RBM12: variants seen among roughly 807,000 people sequenced by gnomAD.
The protein encoded by RBM12 is RNA-binding protein 12.
In RBM12, 24 loss-of-function variants were observed where a neutral mutation model predicts 37.2. The ratio of observed to expected loss-of-function variants is 0.65; its 90% confidence interval spans 0.47 to 0.91. RBM12 has a LOEUF of 0.91. Ranked by LOEUF, RBM12 falls within the 40% of genes least tolerant of loss-of-function variation. The probability of loss-of-function intolerance (pLI) is 0.00; values close to 1 mark genes in which losing one functional copy is unlikely to be tolerated. For missense variants in RBM12, 1,061 were observed against 1,183.2 expected, an observed-to-expected ratio of 0.90 and a Z score of 1.52; for synonymous variants, 420 against 425.2, an observed-to-expected ratio of 0.99 and a Z score of 0.15.
intron 1 of RBM12, among the ~76,000 whole-genome samples, chr20:35,660,507 C>T (rs1022927379): frequency 7.2e-5 from 11 of 152,186 alleles, no homozygotes; most frequent in Non-Finnish European, 1.6e-4. Context: ...GTGTGAGCCA[C>T]CACGCCTGGC....
chr20:35,661,936 AAC>A (rs2034251302), intron 1 of RBM12, among the ~76,000 whole-genome samples: 1 of 152,224 alleles, frequency 6.6e-6, no homozygotes, highest in Non-Finnish European at 1.5e-5. Flanking sequence ...AGAGATTAGC[AAC>A]AGAGAACCAA....
In RBM12 at chr20:35,652,465, T is replaced by A. The variant is rs2146342649; in HGVS notation, c.*59A>T. The A allele has an allele frequency of 2.0e-6, 3 of 1,522,250 alleles. No homozygotes were observed. The East Asian group carries it at 6.8e-5, about 34-fold the overall frequency. 94.3% of individuals were successfully genotyped at this position (1,522,250 alleles called of 1,614,324 possible). On this transcript the variant is annotated 3_prime_UTR_variant, in exon 3 of 3. Transcript: ENST00000374114. ...TAACCTGGAAATACTAGGAAAACAA[T>A]CTGGATGCATTAATCACAGCAATAT...
intron 1 of RBM12, among the ~76,000 whole-genome samples, chr20:35,659,469 T>C (rs903989683): frequency 5.3e-5 from 8 of 152,226 alleles, no homozygotes; most frequent in Non-Finnish European, 1.2e-4. Context: ...AGGGTACTCA[T>C]GGAAATTACT....
Position 35,653,664 on chromosome 20 carries a change from G to A in RBM12, c.1659C>T (p.Phe553=), listed in dbSNP as rs2033700063. 6.2e-7 allele frequency: 1 copy of A among 1,614,196 alleles called. No homozygotes were observed. The highest frequency in any genetic ancestry group is 8.5e-7 in the Non-Finnish European group (1 of 1,180,046). Residue 553 remains phenylalanine (F), a synonymous_variant, in exon 3 of 3, where the codon TTC becomes TTT. Transcript: ENST00000374114. The part of the protein sequence containing the change: ...KVCAHITNIP[F]SITKMDVLQF... ...GAAGAACATCCATCTTTGTAATGCT[G>A]AATGGAATATTTGTTATGTGGGCAC...
chr20:35,653,156 A>T lies in RBM12; in HGVS notation c.2167T>A (p.Phe723Ile). ...TTTGATCCACCAAAATTACCAGGAA[A>T]GTTAAATGGAGGCCCATTATTGGCT... ...KEANNGPPFNFPGNFGGSNAF... is the reference protein window; with the variant it reads ...KEANNGPPFNIPGNFGGSNAF... The change falls in exon 3 of 3, where the codon TTT becomes ATT. Residue 723 changes from phenylalanine (F) to isoleucine (I), a missense_variant. This residue lies in a region of RBM12 where 517 missense variants were observed against 534.0 expected (regional missense o/e 0.97). Coordinates refer to ENST00000374114, the MANE Select transcript of RBM12 (RefSeq NM_006047.6). The T allele has an allele frequency of 6.2e-7, 1 of 1,613,574 alleles. No homozygotes were observed.
At position 35,654,210 on chromosome 20, in the gene RBM12, A is replaced by G. The variant is rs751841929; in HGVS notation, c.1113T>C (p.Tyr371=). The G allele has an allele frequency of 1.9e-6, 3 of 1,614,276 alleles. No homozygotes were observed. The highest frequency in any genetic ancestry group is 2.2e-5 in the South Asian group (2 of 91,090). The change falls in exon 3 of 3, where the codon TAT becomes TAC. Residue 371 remains tyrosine (Y), a synonymous_variant. Transcript: ENST00000374114. ...KRNRMLMIQR[Y]VEVSPATERQ... ...TTTCTGTGGCAGGGCTAACTTCCAC[A>G]TAGCGTTGAATCATCAGCATTCTGT...
In RBM12 at chr20:35,652,230, T is replaced by C. The variant is rs778030826; in HGVS notation, c.*294A>G. On this transcript the variant is annotated 3_prime_UTR_variant, in exon 3 of 3. Coordinates refer to ENST00000374114, the MANE Select transcript of RBM12 (RefSeq NM_006047.6). ...CATATGGTATAAAACAAAACCAATCTAGACTCCTTGATAAGCTTTATGTGG... is the reference window on the plus strand; with the variant it reads ...CATATGGTATAAAACAAAACCAATCCAGACTCCTTGATAAGCTTTATGTGG... 1.2e-5 allele frequency: 3 copies of C among 258,660 alleles called. No individual in the cohort carries two copies. Among genetic ancestry groups the C allele is most frequent in the South Asian group, 1.6e-4 (2 of 12,600 alleles). The allele number at this position is 258,660 out of a possible 1,614,324, so 16.0% of individuals were successfully genotyped here.
At chr20:35,658,802 AACACACACACACACACACACACACAC>A (rs10542710) in intron 2 of RBM12, 102 bp downstream of exon 2, 5 of 473,468 alleles carry the variant, frequency 1.1e-5, no homozygotes, top group African/African-American at 4.3e-5. Context: ...AGCAAACAAA[AACACACACACACACACACACACACAC>A]ACACACACAC....
chr20:35,658,898 T>G (rs1479055078), intron 2 of RBM12, 32 bp downstream of exon 2: 2 of 710,192 alleles, frequency 2.8e-6, no homozygotes, highest in Non-Finnish European at 2.6e-6. Context: ...TTATTTTGTA[T>G]AAAAACGAAC....
chr20:35,664,074 AC>A (rs1469279134), intron 1 of RBM12, among the ~76,000 whole-genome samples: 1 of 146,096 alleles, frequency 6.8e-6, no homozygotes, highest in East Asian at 2.0e-4. Context: ...TACTCACCCC[AC>A]CCCCTCACCT....
At chr20:35,656,684 G>A (rs561353353) in intron 2 of RBM12, among the ~76,000 whole-genome samples, 5 of 152,228 alleles carry the variant, frequency 3.3e-5, no homozygotes, top group South Asian at 2.1e-4. Flanking sequence ...ACAGGCATGC[G>A]CCACCATGCC....
intron 1 of RBM12, 114 bp from the exon 2 acceptor site, chr20:35,659,128 G>T (rs1601491734): frequency 5.7e-4 from 166 of 292,702 alleles, no homozygotes; most frequent in East Asian, 7.3e-4. Flanking sequence ...TACTTCATTA[G>T]AATGCATATC....
intron 1 of RBM12, among the ~76,000 whole-genome samples, chr20:35,664,196 G>A (rs976927438): frequency 3.3e-5 from 5 of 152,114 alleles, no homozygotes; most frequent in South Asian, 2.1e-4. Flanking sequence ...TTCAGGCCAC[G>A]AAGGCGGCCG....
chr20:35,658,821 A>G, intron 2 of RBM12, 109 bp downstream of exon 2: 1 of 635,976 alleles, frequency 1.6e-6, no homozygotes, highest in Non-Finnish European at 2.9e-6. Context: ...ACACACACAC[A>G]CACACACACA....
Position 35,655,285 on chromosome 20 carries a change from A to G in RBM12, c.38T>C (p.Val13Ala). ...VVIRLQGLPI[V>A]AGTMDIRHFF... ...GTGGCGAATGTCCATGGTCCCCGCC[A>G]CAATTGGGAGACCTTGCAAACGGAT... is the stretch of plus-strand genomic sequence containing the variant. The change falls in exon 3 of 3, where the codon GTG becomes GCG. Residue 13 changes from valine (V) to alanine (A), a missense_variant. Val to Ala is a moderately conservative substitution (Grantham distance 64). Transcript: ENST00000374114. 6.2e-7 allele frequency: 1 copy of G among 1,612,350 alleles called. No homozygotes were observed. The highest frequency in any genetic ancestry group is 8.5e-7 in the Non-Finnish European group (1 of 1,179,978).
rs771722891 is a variant in RBM12 at position 35,654,340 on chromosome 20, C to A, written c.983G>T (p.Arg328Leu). Residue 328 changes from arginine (R) to leucine (L), a missense_variant, in exon 3 of 3, where the codon CGT becomes CTT. Physicochemically the swap from Arg to Leu is moderately radical, Grantham distance 102 (BLOSUM62 -2). This residue lies in a region of RBM12 where 540 missense variants were observed against 632.7 expected (regional missense o/e 0.85). Coordinates refer to ENST00000374114, the MANE Select transcript of RBM12 (RefSeq NM_006047.6). ...TTTCAACAAATGCACTGCATCAACACGGAGCCCATGAAAAAAATCTCTGAC... is the reference window on the plus strand; with the variant it reads ...TTTCAACAAATGCACTGCATCAACAAGGAGCCCATGAAAAAAATCTCTGAC... ...NDVRDFFHGL[R>L]VDAVHLLKDH... 1 of 1,614,050 alleles carries A rather than the reference C, an allele frequency of 6.2e-7. No homozygotes were observed.
chr20:35,652,994 T>C lies in RBM12; in HGVS notation c.2329A>G (p.Asn777Asp). The C allele has an allele frequency of 6.2e-7, 1 of 1,613,808 alleles. No homozygotes were observed. The highest frequency in any genetic ancestry group is 1.7e-5 in the Admixed American group (1 of 60,020). The change falls in exon 3 of 3, where the codon AAC becomes GAC. Residue 777 changes from asparagine to aspartate, a missense_variant. Asn to Asp is a conservative substitution (Grantham distance 23). Coordinates refer to ENST00000374114, the MANE Select transcript of RBM12 (RefSeq NM_006047.6). ...LDVPGFGGGP[N>D]NLSGPSGFGG... ...AATCCCGATGGCCCACTTAAATTGTTTGGTCCACCTCCAAAACCCGGAACA... is the reference window on the plus strand; with the variant it reads ...AATCCCGATGGCCCACTTAAATTGTCTGGTCCACCTCCAAAACCCGGAACA...
chr20:35,656,912 GA>G (rs2033934842), intron 2 of RBM12, among the ~76,000 whole-genome samples: 1 of 152,196 alleles, frequency 6.6e-6, no homozygotes, highest in African/African-American at 2.4e-5. Flanking sequence ...AAGAATATTA[GA>G]AGGGGCAAGA....
chr20:35,654,545 T>C lies in RBM12; in HGVS notation c.778A>G (p.Asn260Asp). The stretch of plus-strand genomic sequence containing the variant: ...AAATTCATAGGTGCTCCAGAGCCAT[T>C]CATTCCAGCAGGTAGAGGTGCCACA... ...PPVAPLPAGM[N>D]GSGAPMNLNN... Residue 260 changes from asparagine to aspartate, a missense_variant, in exon 3 of 3, where the codon AAT becomes GAT. Transcript: ENST00000374114. 6.2e-7 allele frequency: 1 copy of C among 1,614,196 alleles called. No homozygotes were observed. Among genetic ancestry groups the C allele is most frequent in the Non-Finnish European group, 8.5e-7 (1 of 1,180,040 alleles).
Sources: gnomAD v4.1 joint callset for allele counts (sites outside exome capture counted in the v4.1 genomes callset) on GRCh38, gnomAD v4.1.1 for gene constraint, gnomAD v4.1.1 regional missense constraint, MANE v1.5 for transcripts, NCBI Gene and HGNC (gene_info 2026-07-23, HGNC 2026-07-21) for gene names.